Variants in OPCML observed in about 807,000 individuals in gnomAD.
OPCML encodes the protein opioid-binding protein/cell adhesion molecule.
Under a neutral mutation model 37.8 loss-of-function variants are expected in OPCML, and 13 were observed. That is an observed-to-expected ratio of 0.34 (90% CI 0.22 to 0.55). The LOEUF is 0.55. OPCML is among the 20% of genes least tolerant of loss of function. The pLI is 0.91. For missense variants in OPCML, 341 were observed against 435.6 expected (o/e 0.78, Z 1.93); for synonymous variants, 176 against 168.8 (o/e 1.04, Z -0.33).
At chr11:132,541,495 G>C (rs1162440783) in intron 3 of OPCML, among the ~76,000 whole-genome samples, 2 of 149,346 alleles carry the variant, frequency 1.3e-5, no homozygotes, top group Non-Finnish European at 2.9e-5. Context: ...CAATGTTATG[G>C]GCTCTTTATT....
intron 4 of OPCML, among the ~76,000 whole-genome samples, chr11:132,440,348 T>TA (rs924787087): frequency 1.3e-5 from 2 of 151,718 alleles, no homozygotes; most frequent in African/African-American, 4.9e-5. Flanking sequence ...TTTTTTTTTT[T>TA]AAATATAGAT....
chr11:132,581,576 G>A (rs1203567296), intron 3 of OPCML, among the ~76,000 whole-genome samples: 2 of 152,162 alleles, frequency 1.3e-5, no homozygotes, highest in African/African-American at 4.8e-5. Flanking sequence ...CAATGGGGAT[G>A]GGGCAGAAAA....
chr11:132,416,619 C>T lies in OPCML; in HGVS notation c.*3574G>A, dbSNP rs2095939570. 1 of 152,124 alleles carries T rather than the reference C, an allele frequency of 6.6e-6. No homozygotes were observed. Among genetic ancestry groups the T allele is most frequent in the Admixed American group, 6.6e-5 (1 of 15,266 alleles). The allele number at this position is 152,124 out of a possible 1,614,324, so 9.4% of individuals were successfully genotyped here. On this transcript the variant is annotated 3_prime_UTR_variant, in exon 8 of 8. Transcript: ENST00000524381. ...TCACCCAGGTTTTGAGAACAAACTG[C>T]CCAATCTGTAAATGTATCATCTAGT...
intron 3 of OPCML, among the ~76,000 whole-genome samples, chr11:132,601,606 T>G (rs1268930544): frequency 6.6e-6 from 1 of 152,130 alleles, no homozygotes; most frequent in African/African-American, 2.4e-5. Context: ...AAGTGGAGAA[T>G]GACTTGACCA....
At chr11:132,431,009 A>G (rs112711604) in intron 7 of OPCML, among the ~76,000 whole-genome samples, 1,620 of 152,306 alleles carry the variant, frequency 0.011, 26 homozygotes, top group African/African-American at 0.036. Context: ...AGCTGTGGTC[A>G]GCAAGCTGAA....
chr11:132,903,149 G>A (rs77713369), intron 2 of OPCML, among the ~76,000 whole-genome samples: 15,884 of 152,062 alleles, frequency 0.1, 1,099 homozygotes, highest in African/African-American at 0.18. Context: ...TGTGTCCATA[G>A]CCTGTTGATA....
intron 4 of OPCML, among the ~76,000 whole-genome samples, chr11:132,487,607 T>A (rs969465557): frequency 6.6e-6 from 1 of 152,176 alleles, no homozygotes; most frequent in African/African-American, 2.4e-5. Context: ...TCTCCCTTCC[T>A]CTTTGCTACT....
chr11:133,348,428 T>C (rs1487404595), intron 1 of OPCML, among the ~76,000 whole-genome samples: 1 of 152,194 alleles, frequency 6.6e-6, no homozygotes, highest in Non-Finnish European at 1.5e-5. Context: ...TGAAGGGAGA[T>C]GTTTGGTAAC....
chr11:133,009,156 C>T lies in OPCML; in HGVS notation c.62-66146G>A, dbSNP rs1947168145. ...ACTGATTTAGATTAGGATTTATTTA[C>T]TCTTTGTCCTTTCAAGAAAAATACA... On this transcript the variant is annotated intron_variant, in intron 1 of 7. Coordinates refer to ENST00000524381, the MANE Select transcript of OPCML (RefSeq NM_001012393.5). 11 of 985,162 alleles carry T rather than the reference C, an allele frequency of 1.1e-5. 1 individual carries two copies. The South Asian group carries it at 3.8e-4, about 34-fold the overall frequency. The allele number at this position is 985,162 out of a possible 1,614,324, so 61.0% of individuals were successfully genotyped here. A position where few individuals can be genotyped will look rare whatever the true frequency, so the allele number is the denominator to read the frequency against.
intron 1 of OPCML, among the ~76,000 whole-genome samples, chr11:133,098,904 T>C (rs1949045005): frequency 6.6e-6 from 1 of 152,128 alleles, no homozygotes; most frequent in Non-Finnish European, 1.5e-5. Flanking sequence ...GATGACATGA[T>C]CATCTATGTA....
intron 1 of OPCML, chr11:133,420,772 G>A (rs1945869586): frequency 1.0e-6 from 1 of 985,340 alleles, no homozygotes; most frequent in Non-Finnish European, 1.2e-6. Context: ...CCTTCAAGTT[G>A]AAATTCAATT....
chr11:132,762,514 G>A (rs1037193722), intron 2 of OPCML, among the ~76,000 whole-genome samples: 3 of 152,242 alleles, frequency 2.0e-5, no homozygotes, highest in Non-Finnish European at 4.4e-5. Context: ...CCTGCCCAGA[G>A]AGGAGGAATC....
At chr11:133,278,849 A>T (rs1942063644) in intron 1 of OPCML, among the ~76,000 whole-genome samples, 1 of 152,206 alleles carries the variant, frequency 6.6e-6, no homozygotes, top group African/African-American at 2.4e-5. Context: ...AATTCCATGA[A>T]GTCTATAAAG....
At chr11:132,936,541 C>T (rs971845736) in intron 2 of OPCML, among the ~76,000 whole-genome samples, 2 of 152,062 alleles carry the variant, frequency 1.3e-5, no homozygotes, top group African/African-American at 2.4e-5. Context: ...CGCCCCACAA[C>T]CTCCCCTCAC....
At chr11:132,833,678 T>C (rs991941639) in intron 2 of OPCML, among the ~76,000 whole-genome samples, 3 of 152,218 alleles carry the variant, frequency 2.0e-5, no homozygotes, top group African/African-American at 4.8e-5. Flanking sequence ...CCAGCATCAC[T>C]ACAAAAATGG....
At chr11:133,117,233 A>T (rs1389072570) in intron 1 of OPCML, among the ~76,000 whole-genome samples, 1 of 152,166 alleles carries the variant, frequency 6.6e-6, no homozygotes, top group African/African-American at 2.4e-5. Flanking sequence ...GACCATGAAG[A>T]TGTTCTAGGT....
chr11:132,838,165 C>A (rs1941123112), intron 2 of OPCML, among the ~76,000 whole-genome samples: 1 of 152,058 alleles, frequency 6.6e-6, no homozygotes, highest in South Asian at 2.1e-4. Flanking sequence ...CAAATACAAA[C>A]TAAATAACAA....
intron 1 of OPCML, among the ~76,000 whole-genome samples, chr11:133,269,114 C>T (rs564596300): frequency 6.6e-6 from 1 of 152,266 alleles, no homozygotes; most frequent in African/African-American, 2.4e-5. Flanking sequence ...AAAGACTCTT[C>T]AAGTTCTTCA....
At chr11:133,405,355 T>C (rs1459933737) in intron 1 of OPCML, among the ~76,000 whole-genome samples, 1 of 152,212 alleles carries the variant, frequency 6.6e-6, no homozygotes, top group Admixed American at 6.5e-5. Flanking sequence ...AGATTTGGAA[T>C]TGCAGCTCCT....
Sources: gnomAD v4.1 joint callset for allele counts (sites outside exome capture counted in the v4.1 genomes callset) on GRCh38, gnomAD v4.1.1 for gene constraint, MANE v1.5 for transcripts, NCBI Gene and HGNC (gene_info 2026-07-23, HGNC 2026-07-21) for gene names.